Variants in FOXP2 observed in about 807,000 individuals in gnomAD.
FOXP2 encodes forkhead box protein P2.
A neutral mutation model predicts 115.8 loss-of-function variants in FOXP2; 12 were observed. The observed-to-expected ratio is 0.10, with a 90% CI of 0.07 to 0.17. The LOEUF (loss-of-function observed/expected upper bound fraction) is 0.17. FOXP2 is among the 10% of genes least tolerant of loss of function. The probability of loss-of-function intolerance (pLI) is 1.00; values close to 1 mark genes in which losing one functional copy is unlikely to be tolerated. For synonymous variants in FOXP2, 328 were observed against 297.7 expected, an observed-to-expected ratio of 1.10 and a Z score of -1.05; for missense variants, 629 against 843.5, an observed-to-expected ratio of 0.75 and a Z score of 3.15.
Position 114,391,657 on chromosome 7 carries a change from A to T in FOXP2, c.-10-34845A>T, listed in dbSNP as rs1396426668. Among the ~76,000 whole-genome samples, 5 of 152,242 alleles carry T rather than the reference A, an allele frequency of 3.3e-5. No homozygotes were observed. In the East Asian group the frequency reaches 9.6e-4, roughly 29 times the overall value. ...GGAACTCTCCACAAATACTAACTTA[A>T]CATATTCCTATTTAAAATATACTTT... On this transcript the variant is annotated intron_variant, in intron 2 of 17. Transcript: ENST00000634411.
At chr7:114,269,152 T>C (rs1313038782) in intron 1 of FOXP2, among the ~76,000 whole-genome samples, 1 of 152,150 alleles carries the variant, frequency 6.6e-6, no homozygotes, top group Non-Finnish European at 1.5e-5. Context: ...ACAAACAATT[T>C]GATACGGCTT....
intron 1 of FOXP2, among the ~76,000 whole-genome samples, chr7:114,279,332 T>C (rs1796270951): frequency 6.6e-6 from 1 of 152,190 alleles, no homozygotes; most frequent in Non-Finnish European, 1.5e-5. Context: ...ATTGGGATTG[T>C]TCAACAACTG....
intron 1 of FOXP2, among the ~76,000 whole-genome samples, chr7:114,275,640 A>G (rs1429474430): frequency 6.6e-6 from 1 of 152,164 alleles, no homozygotes; most frequent in African/African-American, 2.4e-5. Flanking sequence ...TAGTTTTCAT[A>G]ATAGTTGTTT....
At position 114,258,911 on chromosome 7, in the gene FOXP2, GT is replaced by G. The variant is rs545102711; in HGVS notation, c.-101-29105del. On this transcript the variant is annotated intron_variant, in intron 1 of 17. Coordinates refer to the FOXP2 transcript ENST00000634411. Reference sequence around the variant, plus strand: ...AGAAAACCTGGGTAAACTATTAATAGTTTAGCATCTCGATTTCCTATGGGGA... The same window carrying G: ...AGAAAACCTGGGTAAACTATTAATAGTTAGCATCTCGATTTCCTATGGGGA... Among the ~76,000 whole-genome samples, 247 of 152,250 alleles carry G rather than the reference GT, an allele frequency of 1.6e-3. 1 individual carries two copies. The highest frequency in any genetic ancestry group is 3.4e-3 in the Middle Eastern group (1 of 294).
chr7:114,586,229 T>G (rs1172174366), intron 3 of FOXP2, among the ~76,000 whole-genome samples: 1 of 152,192 alleles, frequency 6.6e-6, no homozygotes, highest in Admixed American at 6.5e-5. Context: ...ATTAAGAACT[T>G]AATAGTGTGA....
At chr7:114,375,581 C>T (rs536264641) in intron 2 of FOXP2, among the ~76,000 whole-genome samples, 1 of 152,232 alleles carries the variant, frequency 6.6e-6, no homozygotes, top group African/African-American at 2.4e-5. Context: ...TTCTGAGGGT[C>T]CAGTATTTGG....
chr7:114,114,519 T>G (rs1186687726), intron 1 of FOXP2, among the ~76,000 whole-genome samples: 1 of 152,092 alleles, frequency 6.6e-6, no homozygotes, highest in Non-Finnish European at 1.5e-5. Context: ...GACTAAGATA[T>G]ATGAGTCTCA....
intron 2 of FOXP2, among the ~76,000 whole-genome samples, chr7:114,514,731 AT>A (rs1253107458): frequency 8.6e-5 from 13 of 150,370 alleles, no homozygotes; most frequent in Non-Finnish European, 1.6e-4. Context: ...CTATTTTATT[AT>A]TATTGAACTT....
At chr7:114,516,981 A>G (rs1233204201) in intron 2 of FOXP2, among the ~76,000 whole-genome samples, 1 of 151,912 alleles carries the variant, frequency 6.6e-6, no homozygotes, top group African/African-American at 2.4e-5. Context: ...GGTGTGAGCC[A>G]CTGTGCCTGA....
At chr7:114,154,294 G>A (rs890020511) in intron 1 of FOXP2, among the ~76,000 whole-genome samples, 1 of 151,486 alleles carries the variant, frequency 6.6e-6, no homozygotes, top group African/African-American at 2.4e-5. Context: ...AGAAAATACT[G>A]TTGTCCAAAC....
chr7:114,272,917 A>T (rs1343106545), intron 1 of FOXP2, among the ~76,000 whole-genome samples: 2 of 151,500 alleles, frequency 1.3e-5, no homozygotes, highest in Non-Finnish European at 3.0e-5. Flanking sequence ...TTTTCTATTT[A>T]TTTCCTGTTT....
intron 3 of FOXP2, among the ~76,000 whole-genome samples, chr7:114,607,935 A>C (rs1021352660): frequency 6.6e-6 from 1 of 152,220 alleles, no homozygotes; most frequent in Non-Finnish European, 1.5e-5. Context: ...TCAATTATAC[A>C]GGTGGGGGAA....
intron 1 of FOXP2, among the ~76,000 whole-genome samples, chr7:114,422,273 G>A (rs555592759): frequency 7.3e-5 from 11 of 151,722 alleles, no homozygotes; most frequent in Admixed American, 3.3e-4. Context: ...AAAAGTTGAC[G>A]AAATGAATTG....
intron 3 of FOXP2, among the ~76,000 whole-genome samples, chr7:114,625,900 T>C (rs575734299): frequency 6.6e-6 from 1 of 151,938 alleles, no homozygotes. Context: ...TCTACCTATA[T>C]AATTAATTTT....
chr7:114,554,803 T>C (rs1331268877), intron 3 of FOXP2, among the ~76,000 whole-genome samples: 1 of 152,216 alleles, frequency 6.6e-6, no homozygotes, highest in African/African-American at 2.4e-5. Flanking sequence ...CTTTCAATAG[T>C]ATTTTAATGT....
At chr7:114,595,717 T>C (rs1162320320) in intron 3 of FOXP2, among the ~76,000 whole-genome samples, 3 of 151,878 alleles carry the variant, frequency 2.0e-5, no homozygotes, top group African/African-American at 7.2e-5. Context: ...GATTACAACA[T>C]GGGGAGTCAA....
chr7:114,229,215 ATT>A (rs1270077135), intron 1 of FOXP2, among the ~76,000 whole-genome samples: 5 of 150,746 alleles, frequency 3.3e-5, no homozygotes, highest in African/African-American at 1.2e-4. Context: ...ATAAATATAT[ATT>A]TGTATAAATA....
chr7:114,290,545 A>T (rs1458548354), intron 2 of FOXP2, among the ~76,000 whole-genome samples: 1 of 152,110 alleles, frequency 6.6e-6, no homozygotes, highest in Non-Finnish European at 1.5e-5. Context: ...TATGAAAAAT[A>T]TTTGCTCTAT....
chr7:114,534,210 C>G (rs1799268480), intron 2 of FOXP2, among the ~76,000 whole-genome samples: 1 of 151,822 alleles, frequency 6.6e-6, no homozygotes, highest in African/African-American at 2.4e-5. Flanking sequence ...TTAATTACAG[C>G]TTCCGGTAAC....
Sources: allele counts gnomAD v4.1 joint callset (sites outside exome capture counted in the v4.1 genomes callset), GRCh38; gene constraint gnomAD v4.1.1; transcripts MANE v1.5; gene names NCBI Gene and HGNC (gene_info 2026-07-23, HGNC 2026-07-21).